JMJD8: variants seen among roughly 807,000 people sequenced by gnomAD.
The protein encoded by JMJD8 is jmjC domain-containing protein 8.
Under a neutral mutation model 37.6 loss-of-function variants are expected in JMJD8, and 56 were observed. That is an observed-to-expected ratio of 1.49 (90% confidence interval 1.20 to 1.86). The LOEUF is 1.86. Ranked by LOEUF, JMJD8 falls within the 40% of genes most tolerant of loss-of-function variation. The pLI, the probability that JMJD8 is intolerant of heterozygous loss-of-function variation, is 0.00. For synonymous variants in JMJD8, 261 were observed against 163.7 expected, an observed-to-expected ratio of 1.59 and a Z score of -4.54; for missense variants, 542 against 362.7, an observed-to-expected ratio of 1.49 and a Z score of -4.01.
rs532623630 is a variant in JMJD8 at position 683,731 on chromosome 16, G to A, written c.276C>T (p.Asp92=). Residue 92 remains aspartate, a synonymous_variant, in exon 4 of 9, where the codon GAC becomes GAT. Transcript: ENST00000609261. The part of the protein sequence containing the change: ...SRDRLLASFG[D]RVVRLSTANT... ...TGGCGGTGCTCAGCCGGACCACTCT[G>A]TCCCCAAACGAAGCCAGCAACCTGT... is the stretch of plus-strand genomic sequence containing the variant. The A allele has an allele frequency of 5.7e-5, 91 of 1,609,858 alleles. 1 individual carries two copies. In the South Asian group the frequency reaches 9.5e-4, roughly 17 times the overall value.
Position 683,307 on chromosome 16 carries a change from C to T in JMJD8, c.511+15G>A, listed in dbSNP as rs748495427. ...ACAGAAGCCTCAGTCCTTCCCAGTC[C>T]CAAGAAGCACCCACCTGCGATTCCA... On this transcript the variant is annotated intron_variant, in intron 6 of 8. Coordinates refer to ENST00000609261, the MANE Select transcript of JMJD8 (RefSeq NM_001005920.4). 1.0e-5 allele frequency: 16 copies of T among 1,605,026 alleles called. No homozygotes were observed. The highest frequency in any genetic ancestry group is 1.7e-4 in the Middle Eastern group (1 of 6,056).
At position 683,878 on chromosome 16, in the gene JMJD8, C is replaced by T. The variant is rs780482492; in HGVS notation, c.208G>A (p.Gly70Arg). 2 of 1,585,676 alleles carry T rather than the reference C, an allele frequency of 1.3e-6. No individual in the cohort carries two copies. The highest frequency in any genetic ancestry group is 1.7e-6 in the Non-Finnish European group (2 of 1,168,540). The part of the protein sequence containing the change: ...YAFVRPVILQ[G>R]LTDNSRFRAL... The stretch of plus-strand genomic sequence containing the variant: ...GCGCTCACCGAGTTGTCCGTGAGTC[C>T]CTGCAGGATGACGGGCCTGACGAAG... The change falls in exon 3 of 9, where the codon GGA (glycine) becomes AGA (arginine). Residue 70 changes from glycine to arginine, a missense_variant. Physicochemically the swap from Gly to Arg is moderately radical, Grantham distance 125. Coordinates refer to ENST00000609261, the MANE Select transcript of JMJD8 (RefSeq NM_001005920.4).
Position 681,991 on chromosome 16 carries a change from C to T in JMJD8, c.*803G>A, listed in dbSNP as rs778888264. Reference sequence around the variant, plus strand: ...ATGGAGGAGGGAGGTGGGGTGTCTCCCCCAAGCACAGCACTCAACTCTTCA... The same window carrying T: ...ATGGAGGAGGGAGGTGGGGTGTCTCTCCCAAGCACAGCACTCAACTCTTCA... On this transcript the variant is annotated 3_prime_UTR_variant, in exon 9 of 9. Coordinates refer to ENST00000609261, the MANE Select transcript of JMJD8 (RefSeq NM_001005920.4). The T allele has an allele frequency of 3.9e-5, 63 of 1,610,796 alleles. No individual in the cohort carries two copies. Among genetic ancestry groups the T allele is most frequent in the Non-Finnish European group, 5.2e-5 (61 of 1,178,980 alleles).
chr16:683,493 C>T (rs373831139), intron 5 of JMJD8, 37 bp downstream of exon 5: 6 of 1,545,504 alleles, frequency 3.9e-6, no homozygotes, highest in African/African-American at 2.7e-5. Context: ...AGACTCCAAG[C>T]GTCCCCACCC....
At position 682,017 on chromosome 16, in the gene JMJD8, C is replaced by G; in HGVS notation, c.*777G>C. ...CCCAAGCACAGCACTCAACTCTTCACAGGACAAGTACATGGCGGACATGGA... is the reference window on the plus strand; with the variant it reads ...CCCAAGCACAGCACTCAACTCTTCAGAGGACAAGTACATGGCGGACATGGA... On this transcript the variant is annotated 3_prime_UTR_variant, in exon 9 of 9. Transcript: ENST00000609261. The G allele has an allele frequency of 1.9e-6, 3 of 1,606,110 alleles. No individual in the cohort carries two copies. Among genetic ancestry groups the G allele is most frequent in the African/African-American group, 2.7e-5 (2 of 74,952 alleles).
At position 682,433 on chromosome 16, in the gene JMJD8, A is replaced by G; in HGVS notation, c.*361T>C. The G allele has an allele frequency of 6.2e-7, 1 of 1,613,416 alleles. No individual in the cohort carries two copies. The highest frequency in any genetic ancestry group is 8.5e-7 in the Non-Finnish European group (1 of 1,179,992). ...GGAACAGCTCATCCCCAACTTGGCT[A>G]TGAAGGAGGTTATTGACGCATTCAT... On this transcript the variant is annotated 3_prime_UTR_variant, in exon 9 of 9. Transcript: ENST00000609261.
rs1444246185 is a variant in JMJD8, at chr16:684,289, A to G, written c.31T>C (p.Trp11Arg). 6 of 1,468,372 alleles carry G rather than the reference A, an allele frequency of 4.1e-6. No individual in the cohort carries two copies. In the Admixed American group the frequency reaches 1.2e-4, roughly 30 times the overall value. The allele number at this position is 1,468,372 out of a possible 1,614,324, so 91.0% of individuals were successfully genotyped here. The change falls in exon 1 of 9, where the codon TGG becomes CGG. Residue 11 changes from tryptophan to arginine, a missense_variant. Coordinates refer to ENST00000609261, the MANE Select transcript of JMJD8 (RefSeq NM_001005920.4). MAPASRLLAL[W>R]ALAAVALPGS... is the part of the protein sequence containing the mutation. ...GGTAGAGCCACAGCCGCCAGCGCCC[A>G]GAGCGCGAGCAACCGCGACGCCGGC...
At position 681,983 on chromosome 16, in the gene JMJD8, G is replaced by A. The variant is rs780491941; in HGVS notation, c.*811C>T. ...TGTGCCCCATGGAGGAGGGAGGTGG[G>A]GTGTCTCCCCCAAGCACAGCACTCA... is the stretch of plus-strand genomic sequence containing the variant. On this transcript the variant is annotated 3_prime_UTR_variant, in exon 9 of 9. Transcript: ENST00000609261. The A allele has an allele frequency of 2.5e-6, 4 of 1,612,406 alleles. No homozygotes were observed. In the African/African-American group the frequency reaches 4.0e-5, roughly 16 times the overall value.
chr16:683,904 G>C lies in JMJD8; in HGVS notation c.182C>G (p.Ala61Gly). 6.3e-7 allele frequency: 1 copy of C among 1,579,490 alleles called. No individual in the cohort carries two copies. The highest frequency in any genetic ancestry group is 8.6e-7 in the Non-Finnish European group (1 of 1,165,742). ...CTGCAGGATGACGGGCCTGACGAAG[G>C]CGTACCTGGAAAGAAGGGCAGAGTC... ...LTYAEFVQQY[A>G]FVRPVILQGL... The change falls in exon 3 of 9, where the codon GCC becomes GGC. Residue 61 changes from alanine to glycine, a missense_variant. Transcript: ENST00000609261.
rs1425434251 is a variant in JMJD8, at chr16:683,790, GC to G, written c.226-10del. 12 of 1,599,758 alleles carry G rather than the reference GC, an allele frequency of 7.5e-6. No homozygotes were observed. In the African/African-American group the frequency reaches 1.3e-4, roughly 18 times the overall value. ...CACAGGGCCCGGAACCTCTGCGGGG[GC>G]GGGGAGGGGACTTAGTGGCCGGGCC... On this transcript the variant is annotated splice_polypyrimidine_tract_variant and intron_variant, in intron 3 of 8. Coordinates refer to ENST00000609261, the MANE Select transcript of JMJD8 (RefSeq NM_001005920.4).
In JMJD8 at chr16:682,504, C is replaced by T. The variant is rs1306634453; in HGVS notation, c.*290G>A. 2 of 1,612,836 alleles carry T rather than the reference C, an allele frequency of 1.2e-6. No homozygotes were observed. Among genetic ancestry groups the T allele is most frequent in the Non-Finnish European group, 1.7e-6 (2 of 1,179,920 alleles). ...AGGACTACTGAGGTTCCCTGCCCTA[C>T]CTGGCGTCCTGGTCCAGGGGAGCCC... On this transcript the variant is annotated 3_prime_UTR_variant, in exon 9 of 9. Coordinates refer to ENST00000609261, the MANE Select transcript of JMJD8 (RefSeq NM_001005920.4).
At position 682,529 on chromosome 16, in the gene JMJD8, C is replaced by G. The variant is rs535240339; in HGVS notation, c.*265G>C. The G allele has an allele frequency of 3.1e-6, 5 of 1,611,350 alleles. No individual in the cohort carries two copies. In the South Asian group the frequency reaches 4.4e-5, roughly 14 times the overall value. ...CCTGGCGTCCTGGTCCAGGGGAGCC[C>G]TGGGCAGAAGCCCCCGGCCCCTATA... is the stretch of plus-strand genomic sequence containing the variant. On this transcript the variant is annotated 3_prime_UTR_variant, in exon 9 of 9. Transcript: ENST00000609261.
In JMJD8 at chr16:683,431, G is replaced by T; in HGVS notation, c.402C>A (p.Tyr134Ter). 1 of 1,551,948 alleles carries T rather than the reference G, an allele frequency of 6.4e-7. No individual in the cohort carries two copies. The part of the protein sequence containing the change: ...DPTSLGNDTL[Y>*]FFGDNNFTEW... ...CGGTGAAGTTGTTGTCCCCGAAGAA[G>T]TACAGGGTGTCTGCCAACAGAGACG... is the stretch of plus-strand genomic sequence containing the variant. The change falls in exon 6 of 9, where the codon TAC becomes TAA. Residue 134 changes from tyrosine (Y) to a stop codon, truncating the protein, a stop_gained. Transcript: ENST00000609261. LOFTEE classifies it high-confidence loss of function.
chr16:682,260 G>A lies in JMJD8; in HGVS notation c.*534C>T, dbSNP rs1278591967. The A allele has an allele frequency of 1.9e-6, 3 of 1,608,736 alleles. No homozygotes were observed. The highest frequency in any genetic ancestry group is 2.2e-5 in the East Asian group (1 of 44,618). ...CCAGTGGCATCACCTACGACCGCAA[G>A]GACATCGAGGAGCACCTGCAGGTGA... On this transcript the variant is annotated 3_prime_UTR_variant, in exon 9 of 9. Transcript: ENST00000609261.
chr16:684,087 G>T lies in JMJD8; in HGVS notation c.155C>A (p.Thr52Asn). Residue 52 changes from threonine (T) to asparagine (N), a missense_variant, in exon 2 of 9, where the codon ACC (threonine) becomes AAC (asparagine). Thr to Asn is a moderately conservative substitution (Grantham distance 65, BLOSUM62 0). Coordinates refer to ENST00000609261, the MANE Select transcript of JMJD8 (RefSeq NM_001005920.4). Reference sequence around the variant, plus strand: ...GTACTGCTGCACGAACTCCGCGTAGGTGAGGTCGGCCCGACGCTCCACCGT... The same window carrying T: ...GTACTGCTGCACGAACTCCGCGTAGTTGAGGTCGGCCCGACGCTCCACCGT... ...RCTVERRADL[T>N]YAEFVQQYAF... 6.3e-7 allele frequency: 1 copy of T among 1,577,198 alleles called. No homozygotes were observed. Among genetic ancestry groups the T allele is most frequent in the Non-Finnish European group, 8.5e-7 (1 of 1,170,208 alleles).
rs771782972 is a variant in JMJD8 at position 683,555 on chromosome 16, G to A, written c.366C>T (p.Pro122=). The change falls in exon 5 of 9, where the codon CCC becomes CCT. Residue 122 remains proline (P), a synonymous_variant. Coordinates refer to ENST00000609261, the MANE Select transcript of JMJD8 (RefSeq NM_001005920.4). ...FQEYVEQLLH[P]QDPTSLGNDT... ...CATTGCCCAGGGAGGTGGGGTCCTG[G>A]GGGTGCAGCAGCTGCTCCACATACT... 28 of 1,570,166 alleles carry A rather than the reference G, an allele frequency of 1.8e-5. No homozygotes were observed. Among genetic ancestry groups the A allele is most frequent in the Admixed American group, 3.7e-5 (2 of 54,002 alleles).
chr16:684,311 C>A lies in JMJD8; in HGVS notation c.9G>T (p.Pro3=). The change falls in exon 1 of 9, where the codon CCG becomes CCT. Residue 3 remains proline (P), a synonymous_variant. Transcript: ENST00000609261. ...CCCAGAGCGCGAGCAACCGCGACGC[C>A]GGCGCCATGAGCCTGCCGCCCTCAG... is the stretch of plus-strand genomic sequence containing the variant. MA[P]ASRLLALWAL... 1.3e-6 allele frequency: 2 copies of A among 1,486,886 alleles called. No homozygotes were observed. Among genetic ancestry groups the A allele is most frequent in the Non-Finnish European group, 1.8e-6 (2 of 1,126,390 alleles). The allele number at this position is 1,486,886 out of a possible 1,614,324, so 92.1% of individuals were successfully genotyped here.
rs1486001641 is a variant in JMJD8, at chr16:683,738, A to T, written c.269T>A (p.Phe90Tyr). ...GCTCAGCCGGACCACTCTGTCCCCA[A>T]ACGAAGCCAGCAACCTGTCGCGGGA... ...LCSRDRLLAS[F>Y]GDRVVRLSTA... The change falls in exon 4 of 9, where the codon TTT becomes TAT. Residue 90 changes from phenylalanine (F) to tyrosine (Y), a missense_variant. Phe to Tyr is a conservative substitution (Grantham distance 22, BLOSUM62 3). Transcript: ENST00000609261. The T allele has an allele frequency of 6.8e-6, 11 of 1,610,078 alleles. 1 individual carries two copies. Among genetic ancestry groups the T allele is most frequent in the South Asian group, 3.3e-5 (3 of 90,578 alleles).
chr16:682,892 T>C lies in JMJD8; in HGVS notation c.715-18A>G, dbSNP rs2039736769. On this transcript the variant is annotated intron_variant, in intron 8 of 8. Transcript: ENST00000609261. ...TACAGCACCTGGTGGAGGAAGGGGG[T>C]GCAGCAGAGATTAGCTGCGGGCCTC... 6.2e-7 allele frequency: 1 copy of C among 1,612,708 alleles called. No homozygotes were observed. The highest frequency in any genetic ancestry group is 8.5e-7 in the Non-Finnish European group (1 of 1,179,752).
Sources: allele counts gnomAD v4.1 joint callset, GRCh38; gene constraint gnomAD v4.1.1; transcripts MANE v1.5; gene names NCBI Gene and HGNC (gene_info 2026-07-23, HGNC 2026-07-21).